Variants in HELB observed in about 807,000 individuals in gnomAD.
HELB encodes DNA helicase B, also known as DNA 5'-3' helicase B.
A neutral mutation model predicts 101.7 loss-of-function variants in HELB; 96 were observed. That is an observed-to-expected ratio of 0.94 (90% CI 0.80 to 1.12). The LOEUF (loss-of-function observed/expected upper bound fraction) is 1.12. HELB is among the 50% of genes most tolerant of loss of function. The pLI is 0.00. For missense variants in HELB, 1,210 were observed against 1,291.9 expected (o/e 0.94, Z 0.97); for synonymous variants, 437 against 459.7 (o/e 0.95, Z 0.63).
intron 11 of HELB, among the ~76,000 whole-genome samples, chr12:66,330,065 C>G (rs1002404967): frequency 6.6e-6 from 1 of 152,110 alleles, no homozygotes; most frequent in Non-Finnish European, 1.5e-5. Flanking sequence ...TTTACTTGCC[C>G]CATCTTGTCA....
At position 66,331,498 on chromosome 12, in the gene HELB, G is replaced by A. The variant is rs147105464; in HGVS notation, c.3015G>A (p.Ser1005=). 5 of 1,614,076 alleles carry A rather than the reference G, an allele frequency of 3.1e-6. No individual in the cohort carries two copies. The highest frequency in any genetic ancestry group is 1.7e-5 in the Admixed American group (1 of 60,010). Residue 1005 remains serine, a synonymous_variant, in exon 12 of 13, where the codon TCG becomes TCA. Transcript: ENST00000247815. ...ATGTCACCTGGAGCGAGGCCTCTTC[G>A]CCTGATGAGAGGACACTCACCTTTG... ...TNDVTWSEAS[S]PDERTLTFAE...
At chr12:66,303,827 A>G (rs997992974) in intron 1 of HELB, among the ~76,000 whole-genome samples, 3 of 152,200 alleles carry the variant, frequency 2.0e-5, no homozygotes, top group Non-Finnish European at 4.4e-5. Flanking sequence ...GAGACTTAAA[A>G]TATTTTAATG....
chr12:66,342,427 T>A (rs1233165104), downstream of HELB: 2 of 150,370 alleles, frequency 1.3e-5, no homozygotes, highest in Non-Finnish European at 2.9e-5. Flanking sequence ...TAGGCTGGAG[T>A]GTGGTGGCTC....
chr12:66,303,257 T>G (rs1208609833), intron 1 of HELB, among the ~76,000 whole-genome samples: 1 of 151,984 alleles, frequency 6.6e-6, no homozygotes, highest in Non-Finnish European at 1.5e-5. Flanking sequence ...TATCCTCAAG[T>G]TCTATAGAAT....
intron 11 of HELB, among the ~76,000 whole-genome samples, chr12:66,330,770 A>G (rs1007986123): frequency 6.7e-6 from 1 of 150,344 alleles, no homozygotes; most frequent in Non-Finnish European, 1.5e-5. Context: ...CTATATGTTT[A>G]CCTATTACTG....
At position 66,322,768 on chromosome 12, in the gene HELB, C is replaced by G. The variant is rs2053686033; in HGVS notation, c.2282C>G (p.Thr761Arg). ...LINDCCCKHY[T>R]GHLTKDHQSR... is the part of the protein sequence containing the mutation. ...AATGACTGCTGCTGCAAACACTACA[C>G]AGGCCACCTCACCAAGTGAGTGTCT... Residue 761 changes from threonine (T) to arginine (R), a missense_variant, in exon 9 of 13, where the codon ACA becomes AGA. Around this residue, in one of 2 missense-constraint regions of HELB, gnomAD observed 740 missense variants for 728.8 expected, o/e 1.02. Transcript: ENST00000247815. 11 of 1,608,074 alleles carry G rather than the reference C, an allele frequency of 6.8e-6. No homozygotes were observed. Among genetic ancestry groups the G allele is most frequent in the Non-Finnish European group, 9.4e-6 (11 of 1,176,326 alleles).
chr12:66,311,713 A>G (rs2053547109), intron 4 of HELB, among the ~76,000 whole-genome samples: 1 of 152,220 alleles, frequency 6.6e-6, no homozygotes, highest in Non-Finnish European at 1.5e-5. Flanking sequence ...TAGTAGTTAC[A>G]TAATAAAAAT....
intron 12 of HELB, among the ~76,000 whole-genome samples, chr12:66,332,100 A>C (rs917128437): frequency 1.3e-5 from 2 of 152,238 alleles, no homozygotes; most frequent in Admixed American, 6.5e-5. Flanking sequence ...AGAGGAGTTA[A>C]TGAACCAGCT....
chr12:66,329,858 C>T (rs1485160110), intron 11 of HELB, among the ~76,000 whole-genome samples: 3 of 152,098 alleles, frequency 2.0e-5, no homozygotes, highest in Middle Eastern at 3.4e-3. Context: ...AATATAAAGT[C>T]CAAGGTGAAG....
intron 3 of HELB, among the ~76,000 whole-genome samples, chr12:66,307,905 A>G (rs955188011): frequency 4.6e-5 from 7 of 151,406 alleles, no homozygotes; most frequent in African/African-American, 1.5e-4. Flanking sequence ...TAATTTTTGT[A>G]TTTTTAGTAG....
intron 11 of HELB, among the ~76,000 whole-genome samples, chr12:66,330,301 TTC>T (rs2053790486): frequency 6.6e-6 from 1 of 152,176 alleles, no homozygotes; most frequent in African/African-American, 2.4e-5. Context: ...GTTCATTGTT[TTC>T]TTTTTTATCT....
At chr12:66,314,275 C>A (rs541559214) in intron 5 of HELB, 112 bp downstream of exon 5, 1 of 923,622 alleles carries the variant, frequency 1.1e-6, no homozygotes, top group Non-Finnish European at 1.7e-6. Flanking sequence ...CAAAGCTACA[C>A]GAAGATACCA....
At chr12:66,311,162 A>AC (rs1324965945) in intron 4 of HELB, among the ~76,000 whole-genome samples, 1 of 151,494 alleles carries the variant, frequency 6.6e-6, no homozygotes, top group Non-Finnish European at 1.5e-5. Context: ...TTATGGAAAA[A>AC]AAAAAAAAAC....
In HELB at chr12:66,315,230, T is replaced by C; in HGVS notation, c.1859-12T>C. 6.5e-7 allele frequency: 1 copy of C among 1,540,914 alleles called. No homozygotes were observed. Among genetic ancestry groups the C allele is most frequent in the Non-Finnish European group, 8.7e-7 (1 of 1,143,154 alleles). ...AGAGTAAGTCTTGCTACTGTATCTTTTTTTCTTTTAGGTGACATTAGACAG... is the reference window on the plus strand; with the variant it reads ...AGAGTAAGTCTTGCTACTGTATCTTCTTTTCTTTTAGGTGACATTAGACAG... On this transcript the variant is annotated splice_polypyrimidine_tract_variant and intron_variant, in intron 5 of 12. Transcript: ENST00000247815.
At chr12:66,342,979 A>AG (rs1340902140), downstream of HELB, 2 of 152,298 alleles carry the variant, frequency 1.3e-5, no homozygotes, top group South Asian at 4.1e-4. Flanking sequence ...TATAGTCATG[A>AG]GCCACTGCGC....
chr12:66,331,758 A>G, intron 12 of HELB, 113 bp downstream of exon 12: 1 of 1,054,272 alleles, frequency 9.5e-7, no homozygotes, highest in South Asian at 1.6e-5. Flanking sequence ...TGGACTTAAA[A>G]ACAATTGTTT....
In HELB at chr12:66,318,647, A is replaced by G. The variant is rs376054149; in HGVS notation, c.2010A>G (p.Arg670=). The change falls in exon 7 of 13, where the codon AGA becomes AGG. Residue 670 remains arginine, a synonymous_variant. Transcript: ENST00000247815. ...GTTATCTTTATTCAAGAATCTCAAG[A>G]CGCCAATTTCCAAAATTTGATGCAG... ...LIVDNATRIS[R]RQFPKFDAEL... is the part of the protein sequence containing the mutation. The G allele has an allele frequency of 1.2e-4, 195 of 1,593,372 alleles. No individual in the cohort carries two copies. The highest frequency in any genetic ancestry group is 1.6e-4 in the Non-Finnish European group (188 of 1,175,132).
chr12:66,325,047 A>C lies in HELB; in HGVS notation c.2591A>C (p.Glu864Ala). The C allele has an allele frequency of 6.2e-7, 1 of 1,613,780 alleles. No homozygotes were observed. Among genetic ancestry groups the C allele is most frequent in the South Asian group, 1.1e-5 (1 of 91,070 alleles). ...SLTINNMAGLEVTVDFKKLMK... is the reference protein window; with the variant it reads ...SLTINNMAGLAVTVDFKKLMK... Reference sequence around the variant, plus strand: ...ACCATTAATAATATGGCTGGCCTGGAAGTAACTGTGGATTTTAAGAAACTA... The same window carrying C: ...ACCATTAATAATATGGCTGGCCTGGCAGTAACTGTGGATTTTAAGAAACTA... Residue 864 changes from glutamate to alanine, a missense_variant, in exon 11 of 13, where the codon GAA becomes GCA. Physicochemically the swap from Glu to Ala is moderately radical, Grantham distance 107. Coordinates refer to ENST00000247815, the MANE Select transcript of HELB (RefSeq NM_001370285.1).
chr12:66,328,910 A>T (rs1345505867), intron 11 of HELB, among the ~76,000 whole-genome samples: 1 of 152,190 alleles, frequency 6.6e-6, no homozygotes, highest in African/African-American at 2.4e-5. Context: ...TTTAAGCTGC[A>T]TATATGACTT....
Sources: gnomAD v4.1 joint callset for allele counts (sites outside exome capture counted in the v4.1 genomes callset) on GRCh38, gnomAD v4.1.1 for gene constraint, gnomAD v4.1.1 regional missense constraint, MANE v1.5 for transcripts, NCBI Gene and HGNC (gene_info 2026-07-23, HGNC 2026-07-21) for gene names.